The following FBXL22 variants were observed in gnomAD, a reference collection of about 807,000 sequenced individuals.
The protein encoded by FBXL22 is F-box and leucine rich repeat protein 22, also known as F-box and leucine-rich protein 22.
A neutral mutation model predicts 11.7 loss-of-function variants in FBXL22; 13 were observed. That is an observed-to-expected ratio of 1.11 (90% CI 0.73 to 1.77). The LOEUF (loss-of-function observed/expected upper bound fraction) is 1.77, where lower values mean the gene tolerates loss of function less well. FBXL22 is among the 40% of genes most tolerant of loss of function. FBXL22 has a pLI of 0.00. For synonymous variants in FBXL22, 160 were observed against 144.1 expected (o/e 1.11, Z -0.79); for missense variants, 406 against 320.4 (o/e 1.27, Z -2.04).
chr15:63,605,947 A>AG (rs934208903), downstream of FBXL22, among the ~76,000 whole-genome samples: 4 of 152,240 alleles, frequency 2.6e-5, no homozygotes, highest in Non-Finnish European at 5.9e-5. Flanking sequence ...GATCTCCCCC[A>AG]GGAGGCAGCA....
At chr15:63,604,396 C>T (rs780408846), downstream of FBXL22, among the ~76,000 whole-genome samples, 4 of 152,164 alleles carry the variant, frequency 2.6e-5, no homozygotes, top group Non-Finnish European at 4.4e-5. Context: ...CAACTAACTC[C>T]CCTGCATCCC....
rs1056868580 is a variant in FBXL22, at chr15:63,597,387, A to G, written c.-6A>G. The G allele has an allele frequency of 1.3e-6, 2 of 1,595,894 alleles. No individual in the cohort carries two copies. The highest frequency in any genetic ancestry group is 8.6e-7 in the Non-Finnish European group (1 of 1,166,970). ...TCAGCCGTCCCCCGGCTGCAGCTGCACTCACATGTGGCCACTGCTCACCAT... is the reference window on the plus strand; with the variant it reads ...TCAGCCGTCCCCCGGCTGCAGCTGCGCTCACATGTGGCCACTGCTCACCAT... On this transcript the variant is annotated 5_prime_UTR_variant, in exon 1 of 2. Transcript: ENST00000638704. This position sits in a 1 kb window ranked among gnomAD's most constrained non-coding sequence, Gnocchi z 4.3.
At chr15:63,604,119 T>C (rs2067401583), downstream of FBXL22, among the ~76,000 whole-genome samples, 1 of 152,220 alleles carries the variant, frequency 6.6e-6, no homozygotes, top group Non-Finnish European at 1.5e-5. Flanking sequence ...CAGGATCTAA[T>C]GGATCTGGGT....
downstream of FBXL22, chr15:63,602,192 T>G: frequency 6.5e-6 from 1 of 153,734 alleles, no homozygotes; most frequent in Non-Finnish European, 1.4e-5. Flanking sequence ...CCTTAATTCA[T>G]TGCTCAAATA....
chr15:63,603,269 C>T (rs2067395060), downstream of FBXL22, among the ~76,000 whole-genome samples: 1 of 152,208 alleles, frequency 6.6e-6, no homozygotes, highest in African/African-American at 2.4e-5. Flanking sequence ...ACACAGACAT[C>T]ATACTCAGCC....
chr15:63,605,247 G>A, downstream of FBXL22, among the ~76,000 whole-genome samples: 1 of 152,216 alleles, frequency 6.6e-6, no homozygotes, highest in East Asian at 1.9e-4. Context: ...ACATGCAGCT[G>A]AGGTTGAGGG....
At chr15:63,607,109 G>A (rs994618557), downstream of FBXL22, among the ~76,000 whole-genome samples, 2 of 150,186 alleles carry the variant, frequency 1.3e-5, no homozygotes, top group South Asian at 2.1e-4. Context: ...GCAGTGGCGC[G>A]ATCTTGGCTC....
chr15:63,603,004 A>G (rs908111157), downstream of FBXL22, among the ~76,000 whole-genome samples: 2 of 152,180 alleles, frequency 1.3e-5, no homozygotes, highest in African/African-American at 4.8e-5. Context: ...CTTAGCCTTA[A>G]AATAGACTCC....
At chr15:63,602,159 A>G (rs978588394), downstream of FBXL22, 7 of 157,264 alleles carry the variant, frequency 4.5e-5, no homozygotes, top group African/African-American at 1.7e-4. Context: ...GTGAAAGAGG[A>G]GCTTGATCCC....
intron 1 of FBXL22, 180 bp from the exon 2 acceptor site, chr15:63,600,517 G>C (rs1413223368): frequency 1.2e-5 from 15 of 1,228,462 alleles, no homozygotes; most frequent in Non-Finnish European, 1.5e-5. Flanking sequence ...GGGGCAGAAA[G>C]AGGAGGGAAA....
chr15:63,601,243 T>C, downstream of FBXL22: 2 of 1,508,878 alleles, frequency 1.3e-6, no homozygotes, highest in African/African-American at 1.4e-5. Flanking sequence ...TGGAAAACAC[T>C]CGGCTGGTTC....
chr15:63,605,693 C>T (rs910161395), downstream of FBXL22, among the ~76,000 whole-genome samples: 1 of 152,264 alleles, frequency 6.6e-6, no homozygotes, highest in African/African-American at 2.4e-5. Flanking sequence ...TCTATGCCCT[C>T]ACAGCCTCTA....
downstream of FBXL22, chr15:63,601,346 CG>C (rs1364382537): frequency 7.5e-6 from 12 of 1,603,522 alleles, no homozygotes; most frequent in East Asian, 2.7e-4. Context: ...GCACCGTCCT[CG>C]GGGACTCCGA....
At chr15:63,606,541 C>T (rs564184606), downstream of FBXL22, among the ~76,000 whole-genome samples, 54 of 152,228 alleles carry the variant, frequency 3.5e-4, no homozygotes, top group African/African-American at 1.3e-3. Flanking sequence ...TTGTGCTTCC[C>T]CCTTTCCAGA....
intron 1 of FBXL22, chr15:63,600,069 G>A (rs74018140): frequency 0.12 from 117,053 of 985,628 alleles, 7,092 homozygotes; most frequent in Middle Eastern, 0.14. Flanking sequence ...GACTGTACCT[G>A]CTCAGGGCTT....
At chr15:63,600,020 C>T in intron 1 of FBXL22, 1 of 985,746 alleles carries the variant, frequency 1.0e-6, no homozygotes, top group Non-Finnish European at 1.2e-6. Context: ...CAGAGGGTCC[C>T]CCAAGCTTTC....
chr15:63,600,079 T>C, intron 1 of FBXL22: 1 of 985,674 alleles, frequency 1.0e-6, no homozygotes, highest in Non-Finnish European at 1.2e-6. Flanking sequence ...GCTCAGGGCT[T>C]GCCTCTAGCT....
chr15:63,602,829 A>G (rs997017137), downstream of FBXL22, among the ~76,000 whole-genome samples: 2 of 152,204 alleles, frequency 1.3e-5, no homozygotes, highest in Admixed American at 6.5e-5. Flanking sequence ...GCTCATGTGC[A>G]AGGAGATCAG....
At chr15:63,606,275 G>T (rs943138671), downstream of FBXL22, among the ~76,000 whole-genome samples, 2 of 152,238 alleles carry the variant, frequency 1.3e-5, no homozygotes, top group Non-Finnish European at 2.9e-5. Context: ...GCTTCATCCG[G>T]CCAGAAGTCC....
Sources: allele counts gnomAD v4.1 joint callset (sites outside exome capture counted in the v4.1 genomes callset), GRCh38; gene constraint gnomAD v4.1.1; non-coding constraint Gnocchi (gnomAD v3.1); transcripts MANE v1.5; gene names NCBI Gene and HGNC (gene_info 2026-07-23, HGNC 2026-07-21).